The following CACNA1C variants were observed in gnomAD, a reference collection of about 807,000 sequenced individuals.
CACNA1C encodes voltage-dependent L-type calcium channel subunit alpha-1C.
CACNA1C carries 30 observed loss-of-function variants against 229.0 expected under a neutral mutation model. The ratio of observed to expected loss-of-function variants is 0.13; its 90% CI spans 0.10 to 0.18. CACNA1C has a LOEUF of 0.18. Among genes scored for constraint, CACNA1C ranks in the 10% least tolerant of loss-of-function variants. The probability of loss-of-function intolerance (pLI) is 1.00; values close to 1 mark genes in which losing one functional copy is unlikely to be tolerated. For synonymous variants in CACNA1C, 1,114 were observed against 1,132.5 expected, an observed-to-expected ratio of 0.98 and a Z score of 0.33; for missense variants, 1,658 against 2,845.0, an observed-to-expected ratio of 0.58 and a Z score of 9.49.
At chr12:1,982,091 C>T (rs11062040) in intron 1 of CACNA1C, among the ~76,000 whole-genome samples, 82,307 of 151,870 alleles carry the variant, frequency 0.54, 22,809 homozygotes, top group African/African-American at 0.66. Flanking sequence ...GCTTGTGCTA[C>T]AGGAAGATAA....
intron 3 of CACNA1C, among the ~76,000 whole-genome samples, chr12:2,364,548 G>A (rs1366067828): frequency 6.6e-6 from 1 of 152,176 alleles, no homozygotes; most frequent in Non-Finnish European, 1.5e-5. Context: ...AGGTACAGAG[G>A]CAACAGTCCC....
At chr12:2,391,072 G>A (rs577428078) in intron 3 of CACNA1C, among the ~76,000 whole-genome samples, 3 of 152,302 alleles carry the variant, frequency 2.0e-5, no homozygotes, top group Admixed American at 6.5e-5. Context: ...ACGATAGGAC[G>A]CAGTGACTGA....
Position 2,517,312 on chromosome 12 carries a change from A to G in CACNA1C, c.1390+4328A>G, listed in dbSNP as rs374284274. 5.3e-5 allele frequency among the ~76,000 whole-genome samples: 8 copies of G among 152,324 alleles called. No homozygotes were observed. The South Asian group carries it at 6.2e-4, about 12-fold the overall frequency. On this transcript the variant is annotated intron_variant, in intron 9 of 46. Coordinates refer to ENST00000399655, the MANE Select transcript of CACNA1C (RefSeq NM_000719.7). ...ATCTGAAGAGTCTGGCCATCAGGAA[A>G]CCAGAAAGAGGAGAGGAGGAGACTC...
intron 9 of CACNA1C, among the ~76,000 whole-genome samples, chr12:2,546,145 A>G (rs2099880499): frequency 6.6e-6 from 1 of 152,162 alleles, no homozygotes; most frequent in Non-Finnish European, 1.5e-5. Context: ...TCTTCCGTGC[A>G]GTGGCTGGTG....
intron 3 of CACNA1C, among the ~76,000 whole-genome samples, chr12:2,162,863 C>A (rs1215685756): frequency 6.6e-6 from 1 of 152,134 alleles, no homozygotes; most frequent in Non-Finnish European, 1.5e-5. Context: ...CCATTGAGAA[C>A]CAGCACAAAG....
At chr12:2,322,269 C>T (rs2096043251) in intron 3 of CACNA1C, among the ~76,000 whole-genome samples, 1 of 152,178 alleles carries the variant, frequency 6.6e-6, no homozygotes, top group South Asian at 2.1e-4. Flanking sequence ...CTGGAGCCAC[C>T]CCCAGATGAA....
At chr12:2,169,185 A>G (rs1485242531) in intron 3 of CACNA1C, among the ~76,000 whole-genome samples, 1 of 152,216 alleles carries the variant, frequency 6.6e-6, no homozygotes, top group East Asian at 1.9e-4. Context: ...GGTTTTAGGA[A>G]TTGGAGAGGC....
At chr12:2,323,694 C>T (rs2096137171) in intron 3 of CACNA1C, among the ~76,000 whole-genome samples, 1 of 152,222 alleles carries the variant, frequency 6.6e-6, no homozygotes, top group African/African-American at 2.4e-5. Context: ...TCTGCGAGCT[C>T]ATGCTTCCTG....
intron 3 of CACNA1C, among the ~76,000 whole-genome samples, chr12:2,269,530 G>A (rs2083893390): frequency 6.6e-6 from 1 of 152,150 alleles, no homozygotes; most frequent in South Asian, 2.1e-4. Flanking sequence ...AACGAGAATG[G>A]TGATTATCTA....
chr12:2,427,305 A>G (rs955819469), intron 3 of CACNA1C, among the ~76,000 whole-genome samples: 1 of 152,184 alleles, frequency 6.6e-6, no homozygotes, highest in Non-Finnish European at 1.5e-5. Context: ...TCTTTATTCT[A>G]GTATTGCTTC....
intron 13 of CACNA1C, among the ~76,000 whole-genome samples, chr12:2,569,609 T>C (rs2053257286): frequency 6.6e-6 from 1 of 152,248 alleles, no homozygotes; most frequent in Admixed American, 6.5e-5. Context: ...ATCCATGTTG[T>C]AGCATAGATC....
In CACNA1C at chr12:2,585,135, C is replaced by T. The variant is rs537913419; in HGVS notation, c.2340-241C>T. Among the ~76,000 whole-genome samples the T allele has an allele frequency of 7.9e-5, 12 of 152,316 alleles. No individual in the cohort carries two copies. Among genetic ancestry groups the T allele is most frequent in the African/African-American group, 1.2e-4 (5 of 41,564 alleles). ...CCACCATCCTTTTCTGCTTTGGCGA[C>T]CCAGGCATCTCTGGAGCTGCAAGAG... On this transcript the variant is annotated intron_variant, in intron 16 of 46. Coordinates refer to ENST00000399655, the MANE Select transcript of CACNA1C (RefSeq NM_000719.7). This position sits in a 1 kb window ranked among gnomAD's most constrained non-coding sequence, Gnocchi z 4.1.
chr12:2,358,606 GA>G (rs1447553224), intron 3 of CACNA1C, among the ~76,000 whole-genome samples: 5 of 152,250 alleles, frequency 3.3e-5, no homozygotes, highest in African/African-American at 1.2e-4. Context: ...GAAAGGACTT[GA>G]AAGAAAGGAG....
At chr12:2,290,583 G>A (rs964752305) in intron 3 of CACNA1C, among the ~76,000 whole-genome samples, 1 of 152,172 alleles carries the variant, frequency 6.6e-6, no homozygotes, top group African/African-American at 2.4e-5. Context: ...CACGAGGCTG[G>A]GTGGGAAGGT....
At chr12:2,594,678 A>G (rs1011802431) in intron 19 of CACNA1C, among the ~76,000 whole-genome samples, 2 of 152,238 alleles carry the variant, frequency 1.3e-5, no homozygotes, top group Admixed American at 6.5e-5. Context: ...AGTCTTTGGA[A>G]TCTAAATCAC....
In CACNA1C at chr12:2,255,002, C is replaced by T. The variant is rs186150765; in HGVS notation, c.477+134572C>T. Among the ~76,000 whole-genome samples the T allele has an allele frequency of 2.6e-3, 393 of 152,260 alleles. 3 individuals carry two copies. The highest frequency in any genetic ancestry group is 9.1e-3 in the African/African-American group (379 of 41,544). The stretch of plus-strand genomic sequence containing the variant: ...CATACCCCTGTGTAAAATTGAGGAG[C>T]AACAGCCTTAAATGGAAGCAGCTGT... On this transcript the variant is annotated intron_variant, in intron 3 of 46. Transcript: ENST00000399655.
At chr12:2,019,551 AAGG>A in intron 1 of CACNA1C, among the ~76,000 whole-genome samples, 1 of 146,088 alleles carries the variant, frequency 6.8e-6, no homozygotes, top group Non-Finnish European at 1.5e-5. Context: ...GGAAGGAAAG[AAGG>A]AAGGAAGGAA....
intron 29 of CACNA1C, among the ~76,000 whole-genome samples, chr12:2,626,652 G>T (rs774078659): frequency 9.9e-5 from 15 of 152,260 alleles, no homozygotes; most frequent in Non-Finnish European, 1.6e-4. Context: ...GCAGAAAACG[G>T]CTCATTTATT....
rs963327262 is a variant in CACNA1C, at chr12:2,595,176, G to A, written c.2664-698G>A. ...ATAATGCCAGGAGCAGAAGTCTGAA[G>A]GCCTGGGTTGAAGCCCTGACTCTCC... is the stretch of plus-strand genomic sequence containing the variant. On this transcript the variant is annotated intron_variant, in intron 19 of 46. Transcript: ENST00000399655. This position sits in a 1 kb window ranked among gnomAD's most constrained non-coding sequence, Gnocchi z 4.1. Among the ~76,000 whole-genome samples, 6 of 152,154 alleles carry A rather than the reference G, an allele frequency of 3.9e-5. No individual in the cohort carries two copies. The highest frequency in any genetic ancestry group is 3.9e-4 in the Admixed American group (6 of 15,278).
Sources: allele counts gnomAD v4.1 joint callset (sites outside exome capture counted in the v4.1 genomes callset), GRCh38; gene constraint gnomAD v4.1.1; non-coding constraint Gnocchi (gnomAD v3.1); transcripts MANE v1.5; gene names NCBI Gene and HGNC (gene_info 2026-07-23, HGNC 2026-07-21).